The following CPPED1 variants were observed in gnomAD, a reference collection of about 807,000 sequenced individuals.
CPPED1 encodes serine/threonine-protein phosphatase CPPED1.
Under a neutral mutation model 28.0 loss-of-function variants are expected in CPPED1, and 28 were observed. The ratio of observed to expected loss-of-function variants is 1.00; its 90% CI spans 0.74 to 1.37. The LOEUF (loss-of-function observed/expected upper bound fraction) is 1.37, where lower values mean the gene tolerates loss of function less well. Among genes scored for constraint, CPPED1 ranks in the 40% most tolerant of loss-of-function variants. The probability of loss-of-function intolerance (pLI) is 0.00; values close to 1 mark genes in which losing one functional copy is unlikely to be tolerated. For synonymous variants in CPPED1, 198 were observed against 180.2 expected, an observed-to-expected ratio of 1.10 and a Z score of -0.79; for missense variants, 504 against 416.5, an observed-to-expected ratio of 1.21 and a Z score of -1.83.
chr16:12,716,245 T>A (rs2080106469), intron 2 of CPPED1, among the ~76,000 whole-genome samples: 1 of 152,246 alleles, frequency 6.6e-6, no homozygotes, highest in African/African-American at 2.4e-5. Context: ...TTACCTTCTT[T>A]AGCGCTAACG....
At chr16:12,689,879 AT>A (rs879559429) in intron 3 of CPPED1, among the ~76,000 whole-genome samples, 6 of 152,072 alleles carry the variant, frequency 3.9e-5, no homozygotes, top group Non-Finnish European at 7.4e-5. Flanking sequence ...TGTCAAAAGA[AT>A]TTTTTTCAGA....
intron 3 of CPPED1, among the ~76,000 whole-genome samples, chr16:12,674,341 G>A (rs867493915): frequency 6.6e-6 from 1 of 152,180 alleles, no homozygotes; most frequent in African/African-American, 2.4e-5. Context: ...GCTGGCTCAA[G>A]GAGTCTGAAA....
At chr16:12,665,180 G>A (rs2079819022) in intron 3 of CPPED1, 65 bp from the exon 4 acceptor site, 1 of 1,446,140 alleles carries the variant, frequency 6.9e-7, no homozygotes, top group Non-Finnish European at 9.3e-7. Flanking sequence ...AGGGTCTCCA[G>A]CATTTTATTC....
intron 3 of CPPED1, among the ~76,000 whole-genome samples, chr16:12,694,522 CT>C (rs2079979223): frequency 6.6e-6 from 1 of 152,056 alleles, no homozygotes; most frequent in Non-Finnish European, 1.5e-5. Context: ...GGCAGTTAGT[CT>C]TTTATCTAGG....
intron 2 of CPPED1, chr16:12,746,038 T>C (rs1172855738): frequency 4.0e-5 from 6 of 151,784 alleles, no homozygotes; most frequent in Admixed American, 2.0e-4. Context: ...AAAAAAAATT[T>C]AGGTACTGAA....
At chr16:12,762,717 G>C (rs1240594712) in intron 2 of CPPED1, among the ~76,000 whole-genome samples, 2 of 152,088 alleles carry the variant, frequency 1.3e-5, no homozygotes, top group East Asian at 1.9e-4. Context: ...AGCTAACAGG[G>C]ACGGAGTTTC....
chr16:12,785,955 A>T (rs533850490), intron 1 of CPPED1, among the ~76,000 whole-genome samples: 203 of 152,116 alleles, frequency 1.3e-3, no homozygotes, highest in Non-Finnish European at 2.0e-3. Flanking sequence ...AAAAAACCAA[A>T]AGACACTCAG....
At chr16:12,792,913 C>T (rs2080605360) in intron 1 of CPPED1, among the ~76,000 whole-genome samples, 1 of 152,132 alleles carries the variant, frequency 6.6e-6, no homozygotes, top group Admixed American at 6.6e-5. Flanking sequence ...TTATTAGCAG[C>T]ATGAGAACGG....
chr16:12,791,911 T>G (rs1172033840), intron 1 of CPPED1, among the ~76,000 whole-genome samples: 1 of 151,920 alleles, frequency 6.6e-6, no homozygotes, highest in Non-Finnish European at 1.5e-5. Context: ...ATCCACTCAT[T>G]CTAGCACTTG....
chr16:12,724,974 G>A (rs1216032068), intron 2 of CPPED1, among the ~76,000 whole-genome samples: 1 of 151,776 alleles, frequency 6.6e-6, no homozygotes, highest in East Asian at 1.9e-4. Context: ...TTTTAGTAGA[G>A]ACGGGGTTGC....
At chr16:12,673,959 G>A (rs950079957) in intron 3 of CPPED1, among the ~76,000 whole-genome samples, 19 of 152,104 alleles carry the variant, frequency 1.2e-4, no homozygotes, top group Admixed American at 1.0e-3. Context: ...TGAGAAGGGA[G>A]GATTGCTTGA....
At chr16:12,781,710 A>C (rs1305046324) in intron 1 of CPPED1, among the ~76,000 whole-genome samples, 1 of 152,184 alleles carries the variant, frequency 6.6e-6, no homozygotes, top group Non-Finnish European at 1.5e-5. Context: ...AGAGAACCCA[A>C]TGCAGAAGAT....
chr16:12,795,555 G>C (rs560154302), intron 1 of CPPED1, among the ~76,000 whole-genome samples: 9 of 152,198 alleles, frequency 5.9e-5, no homozygotes, highest in Non-Finnish European at 7.4e-5. Flanking sequence ...GGCCAGGCTG[G>C]TCTCAAACTC....
intron 2 of CPPED1, among the ~76,000 whole-genome samples, chr16:12,779,860 C>T (rs2080519580): frequency 6.6e-6 from 1 of 152,076 alleles, no homozygotes; most frequent in Non-Finnish European, 1.5e-5. Flanking sequence ...AGACAGACAC[C>T]CACACCCACT....
intron 3 of CPPED1, among the ~76,000 whole-genome samples, chr16:12,690,725 A>T (rs912578684): frequency 1.1e-4 from 16 of 151,996 alleles, no homozygotes; most frequent in Non-Finnish European, 4.4e-5. Flanking sequence ...CACAATTCAC[A>T]TACTCAAGAT....
chr16:12,728,376 C>T (rs1265031809), intron 2 of CPPED1, among the ~76,000 whole-genome samples: 2 of 151,574 alleles, frequency 1.3e-5, no homozygotes, highest in African/African-American at 2.4e-5. Context: ...ATACTGAATT[C>T]GTAGATTTAG....
chr16:12,665,093 G>A lies in CPPED1; in HGVS notation c.738C>T (p.Gly246=), dbSNP rs1284213251. Residue 246 remains glycine (G), a synonymous_variant, in exon 4 of 4, where the codon GGC becomes GGT. Transcript: ENST00000381774. The part of the protein sequence containing the change: ...IHAGVKVVFS[G]HYHRNAGGTY... ...TACCCCCGGCATTCCTGTGGTAGTG[G>A]CCTGAGAACACGACTTTGACACCTG... 6.2e-7 allele frequency: 1 copy of A among 1,601,562 alleles called. No homozygotes were observed. The highest frequency in any genetic ancestry group is 1.8e-5 in the Admixed American group (1 of 54,968).
intron 3 of CPPED1, among the ~76,000 whole-genome samples, chr16:12,665,571 C>T (rs1368828355): frequency 6.6e-6 from 1 of 152,042 alleles, no homozygotes. Context: ...ATGGGTGGAT[C>T]ACTTGAGGTC....
Position 12,773,954 on chromosome 16 carries a change from T to A in CPPED1, c.289+7231A>T, listed in dbSNP as rs565836021. Reference sequence around the variant, plus strand: ...GAGAAAACAGTGTGCCCAGGGAAACTAAGCAGCACAGTGGCATCACTGGAA... The same window carrying A: ...GAGAAAACAGTGTGCCCAGGGAAACAAAGCAGCACAGTGGCATCACTGGAA... On this transcript the variant is annotated intron_variant, in intron 2 of 3. Transcript: ENST00000381774. Among the ~76,000 whole-genome samples, 9 of 152,260 alleles carry A rather than the reference T, an allele frequency of 5.9e-5. No individual in the cohort carries two copies. The East Asian group carries it at 1.4e-3, about 23-fold the overall frequency.
Sources: gnomAD v4.1 joint callset for allele counts (sites outside exome capture counted in the v4.1 genomes callset) on GRCh38, gnomAD v4.1.1 for gene constraint, MANE v1.5 for transcripts, NCBI Gene and HGNC (gene_info 2026-07-23, HGNC 2026-07-21) for gene names.